The following KCNMA1 variants were observed in gnomAD, a reference collection of about 807,000 sequenced individuals.
The protein encoded by KCNMA1 is Calcium-activated potassium channel subunit alpha-1.
Under a neutral mutation model 140.0 loss-of-function variants are expected in KCNMA1, and 29 were observed. The observed-to-expected ratio is 0.21, with a 90% CI of 0.15 to 0.28. KCNMA1 has a LOEUF of 0.28. Ranked by LOEUF, KCNMA1 falls within the 10% of genes least tolerant of loss-of-function variation. The pLI, the probability that KCNMA1 is intolerant of heterozygous loss-of-function variation, is 1.00. For synonymous variants in KCNMA1, 612 were observed against 611.9 expected, an observed-to-expected ratio of 1.00 and a Z score of 0.00; for missense variants, 880 against 1,602.2, an observed-to-expected ratio of 0.55 and a Z score of 7.70.
intron 1 of KCNMA1, among the ~76,000 whole-genome samples, chr10:77,409,743 T>A (rs548323744): frequency 4.1e-4 from 62 of 152,280 alleles, no homozygotes; most frequent in African/African-American, 1.4e-3. Flanking sequence ...GCTGTCTCCG[T>A]CTCTCATCCT....
At chr10:77,245,576 C>T (rs2058374891) in intron 3 of KCNMA1, among the ~76,000 whole-genome samples, 1 of 152,148 alleles carries the variant, frequency 6.6e-6, no homozygotes, top group Non-Finnish European at 1.5e-5. Context: ...TTCCTGAAGT[C>T]CATTAGTTTG....
intron 12 of KCNMA1, among the ~76,000 whole-genome samples, chr10:77,082,555 T>C (rs1486370879): frequency 1.3e-5 from 2 of 152,162 alleles, no homozygotes; most frequent in Non-Finnish European, 2.9e-5. Context: ...TGAAGCCAGG[T>C]TCCTTAAAGG....
intron 1 of KCNMA1, among the ~76,000 whole-genome samples, chr10:77,560,496 GGCCACTCAGA>G (rs1342296772): frequency 2.0e-5 from 3 of 152,204 alleles, no homozygotes; most frequent in Admixed American, 6.5e-5. Context: ...GCATGGTCAA[GGCCACTCAGA>G]GAATGTGCAG....
intron 2 of KCNMA1, among the ~76,000 whole-genome samples, chr10:77,359,898 A>T (rs1272411314): frequency 1.3e-5 from 2 of 152,364 alleles, no homozygotes; most frequent in South Asian, 4.1e-4. Flanking sequence ...TGCCCAGTGG[A>T]CATTCGCTGA....
intron 2 of KCNMA1, among the ~76,000 whole-genome samples, chr10:77,281,671 C>A (rs2068646363): frequency 6.6e-6 from 1 of 152,112 alleles, no homozygotes; most frequent in Non-Finnish European, 1.5e-5. Flanking sequence ...ATGGGATGCC[C>A]TTTTCAGGGA....
chr10:76,956,321 G>A (rs914276271), intron 20 of KCNMA1, among the ~76,000 whole-genome samples: 7 of 152,118 alleles, frequency 4.6e-5, no homozygotes, highest in African/African-American at 1.4e-4. Context: ...TCACACTGGA[G>A]CTCAAGCCAT....
chr10:77,289,247 T>A (rs1469270437), intron 2 of KCNMA1, among the ~76,000 whole-genome samples: 1 of 152,020 alleles, frequency 6.6e-6, no homozygotes, highest in Non-Finnish European at 1.5e-5. Flanking sequence ...ACAGTCCCAC[T>A]CCCCAGCATC....
chr10:77,379,862 C>G (rs2095319737), intron 2 of KCNMA1, among the ~76,000 whole-genome samples: 1 of 152,196 alleles, frequency 6.6e-6, no homozygotes, highest in Non-Finnish European at 1.5e-5. Context: ...CTTGGGTCAG[C>G]ACCTCCATCA....
At chr10:77,263,807 T>C (rs531752672) in intron 2 of KCNMA1, among the ~76,000 whole-genome samples, 1 of 152,234 alleles carries the variant, frequency 6.6e-6, no homozygotes, top group South Asian at 2.1e-4. Context: ...TTTTCTCCTC[T>C]GCAGAATCGA....
intron 5 of KCNMA1, among the ~76,000 whole-genome samples, chr10:77,129,142 T>C (rs1472491675): frequency 6.6e-6 from 1 of 152,238 alleles, no homozygotes; most frequent in Non-Finnish European, 1.5e-5. Flanking sequence ...TGGTTCAGAA[T>C]ATATTTTCTT....
At chr10:77,098,230 A>T (rs1432898640) in intron 9 of KCNMA1, among the ~76,000 whole-genome samples, 1 of 152,198 alleles carries the variant, frequency 6.6e-6, no homozygotes, top group African/African-American at 2.4e-5. Context: ...GGACATTGGT[A>T]GATTTTGCCT....
chr10:77,154,598 T>C (rs940170907), intron 5 of KCNMA1, among the ~76,000 whole-genome samples: 2 of 152,188 alleles, frequency 1.3e-5, no homozygotes, highest in Non-Finnish European at 2.9e-5. Context: ...GCTACCTCTC[T>C]ACAGGTAGGT....
chr10:76,977,636 A>C (rs1481888654), intron 19 of KCNMA1: 3 of 702,806 alleles, frequency 4.3e-6, no homozygotes, highest in Non-Finnish European at 7.8e-6. Flanking sequence ...TGTTCTTCCC[A>C]ACCTGCCAAG....
At chr10:77,438,498 G>A (rs1016843612) in intron 1 of KCNMA1, among the ~76,000 whole-genome samples, 11 of 151,786 alleles carry the variant, frequency 7.2e-5, no homozygotes, top group Non-Finnish European at 1.3e-4. Context: ...GGGAGGCAGA[G>A]GCTGCAGTGA....
At chr10:76,964,239 T>G (rs1402836468) in intron 20 of KCNMA1, among the ~76,000 whole-genome samples, 2 of 151,918 alleles carry the variant, frequency 1.3e-5, no homozygotes, top group South Asian at 4.2e-4. Context: ...AGAACTAGGG[T>G]CCTTTTCAAT....
intron 2 of KCNMA1, among the ~76,000 whole-genome samples, chr10:77,378,282 CT>C (rs1183121572): frequency 9.2e-5 from 14 of 152,288 alleles, no homozygotes; most frequent in Middle Eastern, 3.4e-3. Flanking sequence ...TATGTATTGG[CT>C]TTTTCTGCCT....
At chr10:77,370,989 C>G (rs1033957347) in intron 2 of KCNMA1, among the ~76,000 whole-genome samples, 9 of 152,180 alleles carry the variant, frequency 5.9e-5, no homozygotes, top group African/African-American at 1.9e-4. Flanking sequence ...GCTCTTTGCA[C>G]AACAACACCA....
At chr10:76,889,722 A>G in intron 26 of KCNMA1, 153 bp from the exon 27 acceptor site, 1 of 719,716 alleles carries the variant, frequency 1.4e-6, no homozygotes, top group Non-Finnish European at 2.5e-6. Context: ...GAAGAAGTCA[A>G]CATGTTTAAC....
chr10:76,997,819 GGGACT>G (rs777199647), intron 19 of KCNMA1, among the ~76,000 whole-genome samples: 4 of 152,100 alleles, frequency 2.6e-5, no homozygotes, highest in Non-Finnish European at 4.4e-5. Context: ...TGAGAGAGCT[GGGACT>G]CTTGCCCAGG....
Sources: gnomAD v4.1 joint callset for allele counts (sites outside exome capture counted in the v4.1 genomes callset) on GRCh38, gnomAD v4.1.1 for gene constraint, MANE v1.5 for transcripts, NCBI Gene and HGNC (gene_info 2026-07-23, HGNC 2026-07-21) for gene names.